RPS6KA5: variants seen among roughly 807,000 people sequenced by gnomAD.
RPS6KA5 encodes ribosomal protein S6 kinase A5.
In RPS6KA5, 27 loss-of-function variants were observed where a neutral mutation model predicts 85.5. That is an observed-to-expected ratio of 0.32 (90% CI 0.23 to 0.44). The LOEUF is 0.44. Ranked by LOEUF, RPS6KA5 falls within the 20% of genes least tolerant of loss-of-function variation. The probability of loss-of-function intolerance (pLI) is 1.00; values close to 1 mark genes in which losing one functional copy is unlikely to be tolerated. For missense variants in RPS6KA5, 811 were observed against 980.9 expected (o/e 0.83, Z 2.31); for synonymous variants, 334 against 348.2 (o/e 0.96, Z 0.46).
chr14:90,975,161 T>C (rs1268206564), intron 3 of RPS6KA5, among the ~76,000 whole-genome samples: 2 of 152,100 alleles, frequency 1.3e-5, no homozygotes, highest in Non-Finnish European at 1.5e-5. Flanking sequence ...GCCTTTGCAG[T>C]AATAAAACTT....
chr14:90,918,784 T>C (rs968884486), intron 7 of RPS6KA5, among the ~76,000 whole-genome samples: 1 of 152,266 alleles, frequency 6.6e-6, no homozygotes. Context: ...TTTACAGAAG[T>C]GACTTTGCAT....
chr14:90,995,461 T>C (rs1347034617), intron 2 of RPS6KA5, among the ~76,000 whole-genome samples: 2 of 152,130 alleles, frequency 1.3e-5, no homozygotes, highest in Non-Finnish European at 2.9e-5. Flanking sequence ...GCAGGCTAGA[T>C]TTTTATTTTC....
At chr14:91,059,195 C>G (rs2043493330) in intron 1 of RPS6KA5, among the ~76,000 whole-genome samples, 1 of 113,430 alleles carries the variant, frequency 8.8e-6, no homozygotes, top group Non-Finnish European at 1.7e-5. Flanking sequence ...ACAAAATTAG[C>G]CGGGCATGGT....
intron 7 of RPS6KA5, among the ~76,000 whole-genome samples, chr14:90,915,640 C>T (rs2036079646): frequency 6.6e-6 from 1 of 152,002 alleles, no homozygotes; most frequent in African/African-American, 2.4e-5. Flanking sequence ...AACCCCATCT[C>T]TACTAAAAAT....
chr14:90,926,664 A>T (rs984650835), intron 5 of RPS6KA5, among the ~76,000 whole-genome samples: 2 of 143,226 alleles, frequency 1.4e-5, no homozygotes, highest in African/African-American at 2.6e-5. Flanking sequence ...TATATATTTA[A>T]GTGTGTGTGT....
intron 3 of RPS6KA5, among the ~76,000 whole-genome samples, chr14:90,958,843 T>G (rs1196392312): frequency 6.6e-6 from 1 of 152,024 alleles, no homozygotes; most frequent in Admixed American, 6.6e-5. Context: ...AAGGTCATGA[T>G]TACTATGGAA....
At position 91,049,813 on chromosome 14, in the gene RPS6KA5, T is replaced by C. The variant is rs192167433; in HGVS notation, c.103+10519A>G. On this transcript the variant is annotated intron_variant, in intron 1 of 16. Coordinates refer to ENST00000614987, the MANE Select transcript of RPS6KA5 (RefSeq NM_004755.4). ...TATAGGTTACTACACACCTGGTATATGGTATATAGCCTATTGTTCCAAGGC... is the reference window on the plus strand; with the variant it reads ...TATAGGTTACTACACACCTGGTATACGGTATATAGCCTATTGTTCCAAGGC... Among the ~76,000 whole-genome samples, 358 of 152,352 alleles carry C rather than the reference T, an allele frequency of 2.3e-3. 1 individual carries two copies. The South Asian group carries it at 0.026, about 11-fold the overall frequency.
intron 2 of RPS6KA5, 63 bp from the exon 3 acceptor site, chr14:90,978,587 T>C: frequency 1.6e-6 from 2 of 1,258,516 alleles, no homozygotes; most frequent in Non-Finnish European, 1.1e-6. Context: ...GGTAATTTAG[T>C]GCAACTAAAT....
intron 3 of RPS6KA5, among the ~76,000 whole-genome samples, chr14:90,973,862 AC>A (rs1454986421): frequency 6.6e-6 from 1 of 151,860 alleles, no homozygotes; most frequent in Non-Finnish European, 1.5e-5. Context: ...ACACAGTGAA[AC>A]CCCGTCTCTA....
chr14:90,980,596 T>A (rs1027551087), intron 2 of RPS6KA5, among the ~76,000 whole-genome samples: 1 of 152,180 alleles, frequency 6.6e-6, no homozygotes, highest in African/African-American at 2.4e-5. Context: ...AACTATTATC[T>A]CCATTTTATA....
chr14:90,931,566 G>A (rs10148253), intron 5 of RPS6KA5, among the ~76,000 whole-genome samples: 2,171 of 151,736 alleles, frequency 0.014, 40 homozygotes, highest in African/African-American at 0.04. Flanking sequence ...AAAATAAGCC[G>A]TAAAAGAAAA....
chr14:91,058,899 G>T (rs1011442858), intron 1 of RPS6KA5, among the ~76,000 whole-genome samples: 2 of 152,158 alleles, frequency 1.3e-5, no homozygotes, highest in Non-Finnish European at 2.9e-5. Context: ...AATGCTTATA[G>T]GCAATCTCAG....
intron 5 of RPS6KA5, among the ~76,000 whole-genome samples, chr14:90,923,428 T>TCATCCATC (rs3832953): frequency 0.046 from 6,980 of 150,898 alleles, 508 homozygotes; most frequent in African/African-American, 0.16. Context: ...AATGGTACCA[T>TCATCCATC]CATCCATCCA....
intron 5 of RPS6KA5, among the ~76,000 whole-genome samples, chr14:90,931,734 CAG>C (rs921479250): frequency 5.9e-5 from 9 of 151,928 alleles, no homozygotes; most frequent in Non-Finnish European, 8.8e-5. Context: ...TCAATAACAT[CAG>C]GGGAAAAAAT....
At chr14:90,963,625 C>T (rs1461753808) in intron 3 of RPS6KA5, among the ~76,000 whole-genome samples, 1 of 152,158 alleles carries the variant, frequency 6.6e-6, no homozygotes, top group Non-Finnish European at 1.5e-5. Flanking sequence ...CTTTTCAAGG[C>T]TTTATTTTAA....
chr14:90,891,710 T>C (rs1044347679), intron 13 of RPS6KA5, among the ~76,000 whole-genome samples: 18 of 152,142 alleles, frequency 1.2e-4, no homozygotes, highest in Non-Finnish European at 2.4e-4. Context: ...ATAAAGTGGG[T>C]GGAAAGAAAA....
At position 90,855,529 on chromosome 14, in the gene RPS6KA5, C is replaced by G. The variant is rs891882958; in HGVS notation, c.*16545G>C. The G allele has an allele frequency of 2.6e-5, 4 of 152,196 alleles. No individual in the cohort carries two copies. Among genetic ancestry groups the G allele is most frequent in the African/African-American group, 7.2e-5 (3 of 41,406 alleles). 9.4% of individuals were successfully genotyped at this position (152,196 alleles called of 1,614,324 possible). A position where few individuals can be genotyped will look rare whatever the true frequency, so the allele number is the denominator to read the frequency against. On this transcript the variant is annotated 3_prime_UTR_variant, in exon 17 of 17. Transcript: ENST00000614987. ...CTCGGCTCACTGCAACCTCTGCTTCCTGGGTTCAAGAGAGTATCCTGCCTC... is the reference window on the plus strand; with the variant it reads ...CTCGGCTCACTGCAACCTCTGCTTCGTGGGTTCAAGAGAGTATCCTGCCTC...
chr14:90,987,863 T>A (rs994581735), intron 2 of RPS6KA5, among the ~76,000 whole-genome samples: 1 of 152,176 alleles, frequency 6.6e-6, no homozygotes, highest in African/African-American at 2.4e-5. Context: ...CAGCACTCAC[T>A]CCAAGGTTTC....
intron 4 of RPS6KA5, among the ~76,000 whole-genome samples, chr14:90,945,335 T>C (rs1469464835): frequency 2.0e-5 from 3 of 152,216 alleles, no homozygotes; most frequent in African/African-American, 2.4e-5. Context: ...GGAAGGAAAA[T>C]GTCTAGAGCT....
Sources: gnomAD v4.1 joint callset for allele counts (sites outside exome capture counted in the v4.1 genomes callset) on GRCh38, gnomAD v4.1.1 for gene constraint, MANE v1.5 for transcripts, NCBI Gene and HGNC (gene_info 2026-07-23, HGNC 2026-07-21) for gene names.